The following LRRC49 variants were observed in gnomAD, a reference collection of about 807,000 sequenced individuals.
LRRC49 encodes leucine-rich repeat-containing protein 49.
In LRRC49, 50 loss-of-function variants were observed where a neutral mutation model predicts 83.3. That is an observed-to-expected ratio of 0.60 (90% CI 0.48 to 0.76). The LOEUF is 0.76. Among genes scored for constraint, LRRC49 ranks in the 30% least tolerant of loss-of-function variants. LRRC49 has a pLI of 0.00. For synonymous variants in LRRC49, 286 were observed against 283.3 expected (o/e 1.01, Z -0.10); for missense variants, 704 against 809.1 (o/e 0.87, Z 1.58).
At chr15:70,897,618 A>C (rs1056937847) in intron 3 of LRRC49, among the ~76,000 whole-genome samples, 3 of 152,226 alleles carry the variant, frequency 2.0e-5, no homozygotes, top group Non-Finnish European at 2.9e-5. Context: ...AATAAACTGT[A>C]TCTTGATACC....
chr15:70,981,045 AG>A (rs34507175), intron 10 of LRRC49, among the ~76,000 whole-genome samples: 1 of 152,150 alleles, frequency 6.6e-6, no homozygotes, highest in Non-Finnish European at 1.5e-5. Flanking sequence ...AGGACTCTTT[AG>A]TTACGAGGTT....
chr15:70,940,248 T>A (rs2035758934), intron 8 of LRRC49, among the ~76,000 whole-genome samples: 1 of 142,396 alleles, frequency 7.0e-6, no homozygotes, highest in Admixed American at 7.9e-5. Context: ...TCAGAATATA[T>A]GGATTTTTTT....
intron 3 of LRRC49, chr15:70,898,563 C>A: frequency 1.8e-6 from 1 of 555,460 alleles, no homozygotes; most frequent in Non-Finnish European, 3.2e-6. Context: ...TTGCTTGAGC[C>A]CAGGAGTTCA....
At chr15:70,911,122 A>G (rs2034531843) in intron 5 of LRRC49, among the ~76,000 whole-genome samples, 1 of 152,206 alleles carries the variant, frequency 6.6e-6, no homozygotes, top group Admixed American at 6.5e-5. Context: ...GAGACACAGC[A>G]AGAATGCCTC....
At chr15:70,942,311 T>TA (rs1596046928) in intron 8 of LRRC49, among the ~76,000 whole-genome samples, 2 of 152,112 alleles carry the variant, frequency 1.3e-5, no homozygotes, top group African/African-American at 4.8e-5. Flanking sequence ...TTTTGGTGCA[T>TA]AAGGGCCTTA....
intron 9 of LRRC49, among the ~76,000 whole-genome samples, chr15:70,970,212 C>T (rs541705645): frequency 1.8e-4 from 28 of 152,226 alleles, no homozygotes; most frequent in Admixed American, 7.8e-4. Flanking sequence ...TATCGAAGGC[C>T]TTTTCTGCAT....
intron 1 of LRRC49, chr15:70,853,937 C>T: frequency 7.0e-7 from 1 of 1,435,544 alleles, no homozygotes; most frequent in South Asian, 1.4e-5. Context: ...CCAGCCGGGG[C>T]TGAGGTACCG....
chr15:70,862,658 C>T (rs575691605), intron 1 of LRRC49, among the ~76,000 whole-genome samples: 1 of 151,576 alleles, frequency 6.6e-6, no homozygotes, highest in Non-Finnish European at 1.5e-5. Flanking sequence ...AAGCATCAGG[C>T]ATTATACCTA....
At chr15:71,034,392 G>A (rs2039455614) in intron 14 of LRRC49, among the ~76,000 whole-genome samples, 1 of 152,164 alleles carries the variant, frequency 6.6e-6, no homozygotes, top group Admixed American at 6.5e-5. Flanking sequence ...AACAGATGCT[G>A]GAGAGGATGT....
At position 70,980,179 on chromosome 15, in the gene LRRC49, C is replaced by A; in HGVS notation, c.1000C>A (p.Leu334Ile). Residue 334 changes from leucine (L) to isoleucine (I), a missense_variant, in exon 10 of 16, where the codon CTT becomes ATT. Transcript: ENST00000260382. ...KKRESHKQSLLKEKKRLTINN... is the reference protein window; with the variant it reads ...KKRESHKQSLIKEKKRLTINN... Reference sequence around the variant, plus strand: ...GCGGGAAAGTCATAAACAATCTTTGCTTAAGGTATTTTCTCTGATGTCTAC... The same window carrying A: ...GCGGGAAAGTCATAAACAATCTTTGATTAAGGTATTTTCTCTGATGTCTAC... The A allele has an allele frequency of 6.2e-7, 1 of 1,610,306 alleles. No individual in the cohort carries two copies. Among genetic ancestry groups the A allele is most frequent in the South Asian group, 1.1e-5 (1 of 90,726 alleles).
At chr15:70,969,680 T>C (rs902614613) in intron 9 of LRRC49, among the ~76,000 whole-genome samples, 3 of 152,178 alleles carry the variant, frequency 2.0e-5, no homozygotes, top group Non-Finnish European at 2.9e-5. Context: ...TTAGTTCTCC[T>C]TGAAGAGGTC....
intron 1 of LRRC49, among the ~76,000 whole-genome samples, chr15:70,862,517 G>T (rs888939136): frequency 7.0e-6 from 1 of 143,746 alleles, no homozygotes; most frequent in Admixed American, 7.6e-5. Flanking sequence ...GGCAGAGGTT[G>T]CAGTGAGCTG....
chr15:70,892,555 C>G (rs2033626400), upstream of LRRC49: 3 of 1,500,640 alleles, frequency 2.0e-6, no homozygotes, highest in Admixed American at 2.0e-5. Context: ...TGAGGTGGGC[C>G]GTAAAGAGGA....
chr15:70,873,352 G>T (rs2033090539), intron 2 of LRRC49: 6 of 1,085,394 alleles, frequency 5.5e-6, no homozygotes, highest in South Asian at 1.4e-5. Flanking sequence ...AAAAACTGAG[G>T]GTCATGGTGA....
At position 70,997,018 on chromosome 15, in the gene LRRC49, G is replaced by A. The variant is rs559132300; in HGVS notation, c.1170-11361G>A. On this transcript the variant is annotated intron_variant, in intron 11 of 15. Coordinates refer to ENST00000260382, the MANE Select transcript of LRRC49 (RefSeq NM_017691.5). ...TTCCATGCGTACTTGAGAAGAATAT[G>A]TATTCTGTTGCTGGGTGGGGTTTTC... is the stretch of plus-strand genomic sequence containing the variant. Among the ~76,000 whole-genome samples, 115 of 152,278 alleles carry A rather than the reference G, an allele frequency of 7.6e-4. 1 individual carries two copies. The highest frequency in any genetic ancestry group is 2.7e-3 in the African/African-American group (111 of 41,578).
intron 1 of LRRC49, among the ~76,000 whole-genome samples, chr15:70,854,564 G>T (rs955832067): frequency 6.6e-6 from 1 of 152,210 alleles, no homozygotes; most frequent in Non-Finnish European, 1.5e-5. Flanking sequence ...GGCCTCCTGC[G>T]TGTCTCCCCC....
chr15:70,860,866 T>C (rs896472610), intron 1 of LRRC49, among the ~76,000 whole-genome samples: 4 of 152,212 alleles, frequency 2.6e-5, no homozygotes, highest in African/African-American at 9.7e-5. Flanking sequence ...TGCATATTGG[T>C]ATAATCATGT....
chr15:70,864,111 C>A (rs945822216), intron 1 of LRRC49, among the ~76,000 whole-genome samples: 2 of 152,046 alleles, frequency 1.3e-5, no homozygotes, highest in African/African-American at 2.4e-5. Flanking sequence ...TAGCTAGATT[C>A]GTCTATGAAC....
intron 15 of LRRC49, among the ~76,000 whole-genome samples, chr15:71,038,463 T>C (rs2039594110): frequency 6.6e-6 from 1 of 152,064 alleles, no homozygotes; most frequent in African/African-American, 2.4e-5. Context: ...TTTGATTGGG[T>C]CTTCTTTTCC....
Sources: allele counts gnomAD v4.1 joint callset (sites outside exome capture counted in the v4.1 genomes callset), GRCh38; gene constraint gnomAD v4.1.1; transcripts MANE v1.5; gene names NCBI Gene and HGNC (gene_info 2026-07-23, HGNC 2026-07-21).